LIMCH1: variants seen among roughly 807,000 people sequenced by gnomAD.
LIMCH1 encodes LIM and calponin homology domains 1.
LIMCH1 carries 113 observed loss-of-function variants against 176.5 expected under a neutral mutation model. That is an observed-to-expected ratio of 0.64 (90% CI 0.55 to 0.75). The LOEUF (loss-of-function observed/expected upper bound fraction) is 0.75. Ranked by LOEUF, LIMCH1 falls within the 30% of genes least tolerant of loss-of-function variation. LIMCH1 has a pLI of 0.00. For missense variants in LIMCH1, 1,674 were observed against 1,814.9 expected (o/e 0.92, Z 1.41); for synonymous variants, 619 against 645.9 (o/e 0.96, Z 0.63).
chr4:41,697,562 C>G lies in LIMCH1; in HGVS notation c.*377C>G. ...TTTTAGAATGTCTAGGAATTAAACA[C>G]TTTATGTTTACAGAATTGAGCTGCA... is the stretch of plus-strand genomic sequence containing the variant. On this transcript the variant is annotated 3_prime_UTR_variant, in exon 32 of 32. Coordinates refer to ENST00000503057, the MANE Select transcript of LIMCH1 (RefSeq NM_001330672.2). 1 of 203,220 alleles carries G rather than the reference C, an allele frequency of 4.9e-6. No homozygotes were observed. The highest frequency in any genetic ancestry group is 9.8e-6 in the Non-Finnish European group (1 of 101,524). The allele number at this position is 203,220 out of a possible 1,614,324, so 12.6% of individuals were successfully genotyped here.
rs1045648267 is a variant in LIMCH1 at position 41,680,101 on chromosome 4, A to C, written c.3612+3A>C. 1 of 1,589,626 alleles carries C rather than the reference A, an allele frequency of 6.3e-7. No homozygotes were observed. The highest frequency in any genetic ancestry group is 1.3e-5 in the African/African-American group (1 of 74,638). On this transcript the variant is annotated splice_donor_region_variant and intron_variant, in intron 24 of 31. Transcript: ENST00000503057. ...AAGAACGCAGATACTATGAGGAGGT[A>C]GGAAATTCCCAAGAAGGAATTTGAC...
chr4:41,552,950 G>A (rs995277493), intron 1 of LIMCH1, among the ~76,000 whole-genome samples: 19 of 152,114 alleles, frequency 1.2e-4, no homozygotes, highest in Non-Finnish European at 2.2e-4. Context: ...AAATAAAAGT[G>A]CAAAGTGCTT....
At chr4:41,399,284 C>G (rs1262412054) in intron 1 of LIMCH1, among the ~76,000 whole-genome samples, 1 of 150,768 alleles carries the variant, frequency 6.6e-6, no homozygotes, top group Admixed American at 6.6e-5. Flanking sequence ...TGCTCAGTGG[C>G]ACAAATAAGG....
intron 1 of LIMCH1, among the ~76,000 whole-genome samples, chr4:41,544,322 T>A (rs2079075981): frequency 6.6e-6 from 1 of 152,228 alleles, no homozygotes; most frequent in South Asian, 2.1e-4. Context: ...TGTGTGTGGG[T>A]ATACACTGAA....
intron 1 of LIMCH1, among the ~76,000 whole-genome samples, chr4:41,597,498 C>T (rs1282575196): frequency 3.3e-5 from 5 of 152,118 alleles, no homozygotes; most frequent in Admixed American, 2.6e-4. Flanking sequence ...ATGGTTATCT[C>T]TCATTTTCTG....
intron 1 of LIMCH1, among the ~76,000 whole-genome samples, chr4:41,547,392 A>T (rs2079605079): frequency 6.6e-6 from 1 of 152,034 alleles, no homozygotes. Context: ...GATTCCAAGT[A>T]TAAGTGAGAT....
chr4:41,424,959 C>G (rs1332638641), intron 1 of LIMCH1, among the ~76,000 whole-genome samples: 1 of 152,148 alleles, frequency 6.6e-6, no homozygotes, highest in African/African-American at 2.4e-5. Flanking sequence ...TGTTTTAGAT[C>G]CTGATTAGCC....
chr4:41,538,449 G>GAATAAAAAGTC, intron 1 of LIMCH1, 99 bp downstream of exon 1: 1 of 697,862 alleles, frequency 1.4e-6, no homozygotes, highest in Non-Finnish European at 1.8e-6. Context: ...AAAAAAAAGT[G>GAATAAAAAGTC]ACTTTTTATT....
chr4:41,521,729 G>T (rs547568877), intron 2 of LIMCH1, among the ~76,000 whole-genome samples: 6 of 152,012 alleles, frequency 3.9e-5, no homozygotes, highest in Non-Finnish European at 8.8e-5. Context: ...GAACATTATG[G>T]CTTTTTATTT....
intron 28 of LIMCH1, among the ~76,000 whole-genome samples, chr4:41,686,096 G>A (rs558658900): frequency 6.6e-6 from 1 of 152,312 alleles, no homozygotes; most frequent in East Asian, 1.9e-4. Flanking sequence ...GAAAGCAGGT[G>A]CAGGCCTGTT....
chr4:41,482,511 G>C (rs1449728478), intron 1 of LIMCH1, among the ~76,000 whole-genome samples: 1 of 152,130 alleles, frequency 6.6e-6, no homozygotes, highest in Non-Finnish European at 1.5e-5. Flanking sequence ...GATCCAAAAT[G>C]GAGGGAGAGG....
At chr4:41,531,513 CACAT>C (rs199785472) in intron 3 of LIMCH1, among the ~76,000 whole-genome samples, 1,193 of 103,988 alleles carry the variant, frequency 0.011, 15 homozygotes, top group African/African-American at 0.042. Flanking sequence ...CACACACACA[CACAT>C]ACACACCTTA....
chr4:41,403,660 A>G (rs2058690747), intron 1 of LIMCH1, among the ~76,000 whole-genome samples: 1 of 152,186 alleles, frequency 6.6e-6, no homozygotes, highest in African/African-American at 2.4e-5. Flanking sequence ...TAACTTTGTA[A>G]TTTCCACCTA....
chr4:41,380,468 C>T (rs1343396608), intron 1 of LIMCH1, among the ~76,000 whole-genome samples: 1 of 151,448 alleles, frequency 6.6e-6, no homozygotes, highest in East Asian at 1.9e-4. Flanking sequence ...TTGATATTTT[C>T]TTTTCTTTCT....
chr4:41,612,396 T>A lies in LIMCH1; in HGVS notation c.10-1070T>A, dbSNP rs547153601. On this transcript the variant is annotated intron_variant, in intron 4 of 31. Transcript: ENST00000503057. ...GGACTTTCGCGAGCATCCCAGGGAATCTGCAGTGTGGCATTCCAGTCTTTG... is the reference window on the plus strand; with the variant it reads ...GGACTTTCGCGAGCATCCCAGGGAAACTGCAGTGTGGCATTCCAGTCTTTG... The A allele has an allele frequency of 5.2e-5, 31 of 591,068 alleles. 1 individual carries two copies. The South Asian group carries it at 6.6e-4, about 13-fold the overall frequency. The allele number at this position is 591,068 out of a possible 1,614,324, so 36.6% of individuals were successfully genotyped here.
chr4:41,486,162 G>A lies in LIMCH1; in HGVS notation c.97-8374G>A, dbSNP rs896178198. Among the ~76,000 whole-genome samples the A allele has an allele frequency of 6.6e-5, 10 of 152,256 alleles. No homozygotes were observed. The South Asian group carries it at 2.1e-3, about 32-fold the overall frequency. On this transcript the variant is annotated intron_variant, in intron 1 of 26. Coordinates refer to the LIMCH1 transcript ENST00000313860. ...ATTGCATGCAGCTTTTCCCCTACTG[G>A]CCCCTGAATGCTTCTGAACCTGGGC...
In LIMCH1 at chr4:41,494,552, G is replaced by A. The variant is rs1203963130; in HGVS notation, c.113G>A (p.Ser38Asn). The A allele has an allele frequency of 1.9e-6, 3 of 1,613,074 alleles. No individual in the cohort carries two copies. Among genetic ancestry groups the A allele is most frequent in the Non-Finnish European group, 2.5e-6 (3 of 1,179,596 alleles). The change falls in exon 2 of 27, where the codon AGT becomes AAT. Residue 38 changes from serine to asparagine, a missense_variant. Physicochemically the swap from Ser to Asn is conservative, Grantham distance 46 (BLOSUM62 1). Transcript: ENST00000313860. ...TTTTTGCAGCAAGTAACTGGCAGAA[G>A]TTTTGGTGATAAAGATTTTCGGACA...
At chr4:41,626,018 T>TA (rs908745555) in intron 7 of LIMCH1, among the ~76,000 whole-genome samples, 18 of 151,316 alleles carry the variant, frequency 1.2e-4, no homozygotes, top group African/African-American at 2.2e-4. Flanking sequence ...CCCTGTCTCT[T>TA]AAAAAAAAGA....
intron 1 of LIMCH1, among the ~76,000 whole-genome samples, chr4:41,469,482 G>A (rs939176440): frequency 2.6e-5 from 4 of 152,128 alleles, no homozygotes; most frequent in African/African-American, 7.2e-5. Flanking sequence ...CTCTCAGTGC[G>A]GGCCATGCTT....
Sources: allele counts gnomAD v4.1 joint callset (sites outside exome capture counted in the v4.1 genomes callset), GRCh38; gene constraint gnomAD v4.1.1; transcripts MANE v1.5; gene names NCBI Gene and HGNC (gene_info 2026-07-23, HGNC 2026-07-21).